Variants in ARHGAP6 observed in about 807,000 individuals in gnomAD.
ARHGAP6 encodes the protein Rho GTPase activating protein 6, also known as rho GTPase-activating protein 6.
A neutral mutation model predicts 55.7 loss-of-function variants in ARHGAP6; 16 were observed. That is an observed-to-expected ratio of 0.29 (90% CI 0.19 to 0.44). ARHGAP6 has a LOEUF of 0.44. Ranked by LOEUF, ARHGAP6 falls within the 20% of genes least tolerant of loss-of-function variation. The pLI, the probability that ARHGAP6 is intolerant of heterozygous loss-of-function variation, is 1.00. For synonymous variants in ARHGAP6, 382 were observed against 360.9 expected (o/e 1.06, Z -0.66); for missense variants, 698 against 808.9 (o/e 0.86, Z 1.66).
At chrX:11,242,506 T>C (rs1222377191) in intron 2 of ARHGAP6, among the ~76,000 whole-genome samples, 2 of 112,268 alleles carry the variant, frequency 1.8e-5, no homozygotes, top group African/African-American at 3.2e-5. Flanking sequence ...CTGCTGACTT[T>C]TCATGATCTA....
At chrX:11,251,714 T>A (rs954169734) in intron 2 of ARHGAP6, among the ~76,000 whole-genome samples, 5 of 112,072 alleles carry the variant, frequency 4.5e-5, no homozygotes, top group African/African-American at 1.3e-4. Flanking sequence ...TGAAAATTAT[T>A]CACACAGTGA....
intron 1 of ARHGAP6, among the ~76,000 whole-genome samples, chrX:11,405,176 G>T (rs1292857529): frequency 9.0e-6 from 1 of 111,715 alleles, no homozygotes; most frequent in Non-Finnish European, 1.9e-5. Flanking sequence ...AACAGGAAGG[G>T]CAAACTGCTG....
chrX:11,152,684 T>C (rs2045800348), intron 10 of ARHGAP6, among the ~76,000 whole-genome samples: 1 of 111,964 alleles, frequency 8.9e-6, no homozygotes, highest in Admixed American at 9.5e-5. Flanking sequence ...TCCAAGTGGA[T>C]TCATGGTCTG....
intron 1 of ARHGAP6, among the ~76,000 whole-genome samples, chrX:11,486,793 C>T (rs1032784115): frequency 8.9e-6 from 1 of 111,805 alleles, no homozygotes; most frequent in African/African-American, 3.3e-5. Flanking sequence ...ATGTTGAAGC[C>T]TGAATCAGGT....
chrX:11,444,547 C>T (rs1412808524), intron 1 of ARHGAP6, among the ~76,000 whole-genome samples: 5 of 112,209 alleles, frequency 4.5e-5, no homozygotes, highest in Admixed American at 9.4e-5. Flanking sequence ...CCCTTTTGAG[C>T]TCCCCTCTTC....
chrX:11,487,345 C>A (rs951923834), intron 1 of ARHGAP6, among the ~76,000 whole-genome samples: 1 of 111,397 alleles, frequency 9.0e-6, no homozygotes, highest in Admixed American at 9.5e-5. Flanking sequence ...GGGGAAGTGG[C>A]TTGAGAGCTG....
chrX:11,420,609 C>A (rs2049810485), intron 1 of ARHGAP6, among the ~76,000 whole-genome samples: 1 of 111,524 alleles, frequency 9.0e-6, no homozygotes, highest in South Asian at 3.8e-4. Flanking sequence ...GATTTTGAAC[C>A]CTGATGTGAT....
intron 5 of ARHGAP6, among the ~76,000 whole-genome samples, chrX:11,185,602 T>C (rs1407990720): frequency 8.9e-6 from 1 of 112,032 alleles, no homozygotes; most frequent in Non-Finnish European, 1.9e-5. Context: ...ACAAACTTAG[T>C]TTATGAAAAT....
At position 11,638,115 on chromosome X, in the gene ARHGAP6, G is replaced by A. The variant is rs146776143; in HGVS notation, c.588+26126C>T. Reference sequence around the variant, plus strand: ...GTTGGGCACCCTTTGAAAGCAAAATGTAAATAGGTATCACCAGAAGAAACA... The same window carrying A: ...GTTGGGCACCCTTTGAAAGCAAAATATAAATAGGTATCACCAGAAGAAACA... On this transcript the variant is annotated intron_variant, in intron 1 of 12. Coordinates refer to ENST00000337414, the MANE Select transcript of ARHGAP6 (RefSeq NM_013427.3). Among the ~76,000 whole-genome samples, 41 of 111,398 alleles carry A rather than the reference G, an allele frequency of 3.7e-4. 1 individual carries two copies. The East Asian group carries it at 6.2e-3, about 17-fold the overall frequency.
At chrX:11,603,434 C>G (rs1227342068) in intron 1 of ARHGAP6, among the ~76,000 whole-genome samples, 2 of 111,684 alleles carry the variant, frequency 1.8e-5, no homozygotes, top group African/African-American at 3.3e-5. Flanking sequence ...GTGTTTTACC[C>G]TCAGTCGATT....
At chrX:11,508,704 G>T (rs926822761) in intron 1 of ARHGAP6, among the ~76,000 whole-genome samples, 3 of 109,184 alleles carry the variant, frequency 2.7e-5, no homozygotes, top group Non-Finnish European at 3.8e-5. Context: ...TGCCTCCTGT[G>T]CTTGGCATAG....
chrX:11,367,606 A>G (rs1448619301), intron 1 of ARHGAP6, among the ~76,000 whole-genome samples: 1 of 112,574 alleles, frequency 8.9e-6, no homozygotes, highest in Non-Finnish European at 1.9e-5. Context: ...AGTATTATAT[A>G]TAAATAATAT....
chrX:11,267,254 A>C (rs190440284), intron 1 of ARHGAP6, among the ~76,000 whole-genome samples: 2 of 112,403 alleles, frequency 1.8e-5, no homozygotes, highest in East Asian at 5.5e-4. Context: ...ATGATCCTTT[A>C]GTTTATAAAT....
At chrX:11,434,932 A>G (rs980282383) in intron 1 of ARHGAP6, among the ~76,000 whole-genome samples, 1 of 112,109 alleles carries the variant, frequency 8.9e-6, no homozygotes, top group Admixed American at 9.4e-5. Context: ...GCTGTGCAGT[A>G]AGAACCAACC....
At chrX:11,362,519 G>C (rs994566356) in intron 1 of ARHGAP6, among the ~76,000 whole-genome samples, 10 of 109,822 alleles carry the variant, frequency 9.1e-5, no homozygotes, top group Non-Finnish European at 1.3e-4. Flanking sequence ...GTGGCGGAAG[G>C]GGGGAGGGTT....
At chrX:11,622,262 T>C (rs890183388) in intron 1 of ARHGAP6, among the ~76,000 whole-genome samples, 1 of 111,898 alleles carries the variant, frequency 8.9e-6, no homozygotes, top group South Asian at 3.7e-4. Context: ...CTCTCAGAAA[T>C]GCCAAATGCC....
intron 2 of ARHGAP6, among the ~76,000 whole-genome samples, chrX:11,220,122 C>T (rs1421034205): frequency 1.0e-4 from 11 of 107,517 alleles, no homozygotes; most frequent in Admixed American, 5.0e-4. Flanking sequence ...GCCAGTTTTC[C>T]CAGCACCATT....
At chrX:11,469,275 T>C (rs2050325136) in intron 1 of ARHGAP6, among the ~76,000 whole-genome samples, 1 of 112,667 alleles carries the variant, frequency 8.9e-6, no homozygotes. Flanking sequence ...AAAACAAATG[T>C]GATGATGTTA....
chrX:11,553,523 A>G (rs1352437958), intron 1 of ARHGAP6, among the ~76,000 whole-genome samples: 1 of 112,127 alleles, frequency 8.9e-6, no homozygotes, highest in African/African-American at 3.2e-5. Flanking sequence ...GATTACAGGC[A>G]TGAGTGCTTG....
Sources: gnomAD v4.1 joint callset for allele counts (sites outside exome capture counted in the v4.1 genomes callset) on GRCh38, gnomAD v4.1.1 for gene constraint, MANE v1.5 for transcripts, NCBI Gene and HGNC (gene_info 2026-07-23, HGNC 2026-07-21) for gene names.